Variants in TYR observed in about 807,000 individuals in gnomAD.
The protein encoded by TYR is LB24-AB.
TYR carries 58 observed loss-of-function variants against 51.5 expected under a neutral mutation model. That is an observed-to-expected ratio of 1.13 (90% CI 0.91 to 1.40). The LOEUF (loss-of-function observed/expected upper bound fraction) is 1.40, where lower values mean the gene tolerates loss of function less well. Ranked by LOEUF, TYR falls within the 40% of genes most tolerant of loss-of-function variation. The pLI is 0.00. For missense variants in TYR, 732 were observed against 647.4 expected (o/e 1.13, Z -1.42); for synonymous variants, 263 against 235.2 (o/e 1.12, Z -1.08).
intron 2 of TYR, among the ~76,000 whole-genome samples, chr11:89,202,989 T>C (rs1306362768): frequency 6.6e-6 from 1 of 152,182 alleles, no homozygotes; most frequent in African/African-American, 2.4e-5. Context: ...AGTCTGATCA[T>C]TAGCCTTTGA....
At chr11:89,232,189 C>G (rs931361137) in intron 3 of TYR, among the ~76,000 whole-genome samples, 12 of 142,904 alleles carry the variant, frequency 8.4e-5, no homozygotes, top group Non-Finnish European at 1.2e-4. Context: ...TACAGGCACA[C>G]ATCAAAATAC....
intron 3 of TYR, among the ~76,000 whole-genome samples, chr11:89,260,886 A>C (rs908227465): frequency 1.3e-5 from 2 of 152,036 alleles, no homozygotes; most frequent in Non-Finnish European, 2.9e-5. Flanking sequence ...ACACAGCAGG[A>C]GGTGAGTGGT....
At chr11:89,289,013 T>A (rs979603800) in intron 4 of TYR, among the ~76,000 whole-genome samples, 1 of 152,056 alleles carries the variant, frequency 6.6e-6, no homozygotes, top group African/African-American at 2.4e-5. Flanking sequence ...TTTATCAAAC[T>A]TTTTCTCTTA....
chr11:89,255,762 T>A (rs1944383307), intron 3 of TYR, among the ~76,000 whole-genome samples: 1 of 151,770 alleles, frequency 6.6e-6, no homozygotes, highest in African/African-American at 2.4e-5. Context: ...TGCTAATTTA[T>A]TCTTGTTGGT....
chr11:89,261,863 A>G (rs1185827015), intron 3 of TYR, among the ~76,000 whole-genome samples: 1 of 152,096 alleles, frequency 6.6e-6, no homozygotes, highest in Non-Finnish European at 1.5e-5. Flanking sequence ...CTCCAACCAC[A>G]ATGGAAAAAA....
At chr11:89,233,900 G>A (rs1290451091) in intron 3 of TYR, among the ~76,000 whole-genome samples, 1 of 142,784 alleles carries the variant, frequency 7.0e-6, no homozygotes, top group Non-Finnish European at 1.5e-5. Context: ...AATGAGCACT[G>A]GCTTCTACTT....
chr11:89,194,303 G>A (rs951861705), intron 2 of TYR, among the ~76,000 whole-genome samples: 5 of 152,200 alleles, frequency 3.3e-5, no homozygotes, highest in African/African-American at 1.2e-4. Flanking sequence ...ACTAGATCCA[G>A]GTAATGCACT....
At chr11:89,193,940 G>C (rs975825231) in intron 2 of TYR, among the ~76,000 whole-genome samples, 1 of 151,940 alleles carries the variant, frequency 6.6e-6, no homozygotes, top group Non-Finnish European at 1.5e-5. Context: ...CTTTACCCCT[G>C]AATATTTTAG....
intron 3 of TYR, among the ~76,000 whole-genome samples, chr11:89,258,875 C>T (rs747935640): frequency 2.6e-5 from 4 of 152,010 alleles, no homozygotes; most frequent in South Asian, 2.1e-4. Context: ...GAGTGGGGAG[C>T]AGCCAGTGCC....
intron 3 of TYR, among the ~76,000 whole-genome samples, chr11:89,246,136 A>G (rs927805216): frequency 1.5e-4 from 21 of 143,380 alleles, no homozygotes; most frequent in African/African-American, 5.4e-4. Context: ...ACCGAGGTAT[A>G]AAAGGCAGGA....
chr11:89,244,283 T>C (rs1043931154), intron 3 of TYR, among the ~76,000 whole-genome samples: 69 of 151,918 alleles, frequency 4.5e-4, no homozygotes, highest in African/African-American at 1.6e-3. Flanking sequence ...ATCTCTCTCA[T>C]AGATTGATTC....
chr11:89,283,031 CA>C (rs1412680958), intron 3 of TYR, among the ~76,000 whole-genome samples: 1 of 151,780 alleles, frequency 6.6e-6, no homozygotes, highest in Non-Finnish European at 1.5e-5. Context: ...GAAGATCAAA[CA>C]GATACAATTT....
chr11:89,289,957 A>T (rs1464633314), intron 4 of TYR, among the ~76,000 whole-genome samples: 1 of 152,056 alleles, frequency 6.6e-6, no homozygotes, highest in Non-Finnish European at 1.5e-5. Context: ...TCTATATGGT[A>T]GACATTGTAC....
chr11:89,269,587 A>C (rs941802873), intron 3 of TYR, among the ~76,000 whole-genome samples: 33 of 151,938 alleles, frequency 2.2e-4, no homozygotes, highest in African/African-American at 7.7e-4. Flanking sequence ...TAAGTATTTT[A>C]ATCTGATTTT....
chr11:89,187,201 A>C (rs963405009), intron 1 of TYR, among the ~76,000 whole-genome samples: 1 of 152,006 alleles, frequency 6.6e-6, no homozygotes, highest in Admixed American at 6.6e-5. Context: ...TGATTTCCCT[A>C]CCCCCAGCCA....
intron 3 of TYR, among the ~76,000 whole-genome samples, chr11:89,261,572 C>T (rs867730213): frequency 3.3e-5 from 5 of 152,086 alleles, no homozygotes; most frequent in Admixed American, 3.3e-4. Flanking sequence ...GAAGCAAAAA[C>T]TGACAAACTG....
chr11:89,262,116 C>G (rs183963747), intron 3 of TYR, among the ~76,000 whole-genome samples: 1 of 151,842 alleles, frequency 6.6e-6, no homozygotes, highest in Admixed American at 6.6e-5. Context: ...TGGAGTGCAA[C>G]GGCACCATCT....
In TYR at chr11:89,295,649, C is replaced by T; in HGVS notation, c.*283C>T. 2.8e-6 allele frequency: 1 copy of T among 356,174 alleles called. No individual in the cohort carries two copies. Among genetic ancestry groups the T allele is most frequent in the Admixed American group, 4.3e-5 (1 of 23,378 alleles). The allele number at this position is 356,174 out of a possible 1,614,324, so 22.1% of individuals were successfully genotyped here. A position where few individuals can be genotyped will look rare whatever the true frequency, so the allele number is the denominator to read the frequency against. On this transcript the variant is annotated 3_prime_UTR_variant, in exon 5 of 5. Transcript: ENST00000263321. ...TGTTATTTGTATGTGAATTAAAGTG[C>T]TCTTATTTTAAAAAATTGAAATAAT...
intron 4 of TYR, among the ~76,000 whole-genome samples, chr11:89,285,628 TCTACCTGAAAGTCCA>T (rs1944776658): frequency 6.6e-6 from 1 of 151,798 alleles, no homozygotes; most frequent in Non-Finnish European, 1.5e-5. Context: ...AGTGTTTCCT[TCTACCTGAAAGTCCA>T]CTACATGCAT....
Sources: gnomAD v4.1 joint callset for allele counts (sites outside exome capture counted in the v4.1 genomes callset) on GRCh38, gnomAD v4.1.1 for gene constraint, MANE v1.5 for transcripts, NCBI Gene and HGNC (gene_info 2026-07-23, HGNC 2026-07-21) for gene names.